SP140: variants seen among roughly 807,000 people sequenced by gnomAD.
SP140 encodes the protein SP140 nuclear body protein, also known as nuclear body protein SP140.
SP140 carries 81 observed loss-of-function variants against 125.0 expected under a neutral mutation model. That is an observed-to-expected ratio of 0.65 (90% confidence interval 0.54 to 0.78). The LOEUF (loss-of-function observed/expected upper bound fraction) is 0.78, where lower values mean the gene tolerates loss of function less well. SP140 is among the 30% of genes least tolerant of loss of function. SP140 has a pLI of 0.00. For synonymous variants in SP140, 312 were observed against 354.0 expected (o/e 0.88, Z 1.33); for missense variants, 858 against 1,037.0 (o/e 0.83, Z 2.37).
rs199777818 is a variant in SP140 at position 230,253,350 on chromosome 2, G to A, written c.1092G>A (p.Lys364=). 132 of 1,612,570 alleles carry A rather than the reference G, an allele frequency of 8.2e-5. No homozygotes were observed. The African/African-American group carries it at 1.6e-3, about 19-fold the overall frequency. The change falls in exon 11 of 27, where the codon AAG becomes AAA. Residue 364 remains lysine (K), a synonymous_variant. Transcript: ENST00000392045. ...SCLSAETFDL[K]TPQVTNEGEP... is the part of the protein sequence containing the mutation. Reference sequence around the variant, plus strand: ...TATCTGCAGAGACCTTTGATCTAAAGACTCCCCAAGTCACTAATGAAGGAG... The same window carrying A: ...TATCTGCAGAGACCTTTGATCTAAAAACTCCCCAAGTCACTAATGAAGGAG...
the SP140 span, among the ~76,000 whole-genome samples, chr2:230,186,406 G>T: frequency 6.6e-6 from 1 of 152,104 alleles, no homozygotes; most frequent in Non-Finnish European, 1.5e-5. Context: ...TGAGTTCCCA[G>T]GACCTAGGAC....
At chr2:230,221,526 G>A (rs1186005274), upstream of SP140, among the ~76,000 whole-genome samples, 4 of 152,164 alleles carry the variant, frequency 2.6e-5, no homozygotes. Flanking sequence ...GGCCTTGCGG[G>A]TAATGGCTGT....
rs756155632 is a variant in SP140 at position 230,269,885 on chromosome 2, G to A, written c.1376G>A (p.Cys459Tyr). The A allele has an allele frequency of 1.2e-6, 2 of 1,614,094 alleles. No individual in the cohort carries two copies. Among genetic ancestry groups the A allele is most frequent in the Admixed American group, 1.7e-5 (1 of 60,018 alleles). Residue 459 changes from cysteine (C) to tyrosine (Y), a missense_variant, in exon 14 of 27, where the codon TGT becomes TAT. Transcript: ENST00000392045. The stretch of plus-strand genomic sequence containing the variant: ...AATGAGAAGTGTTCCTGTGTCATGT[G>A]TTTCTCAGAAGAGGTGCCAGGAAGC... ...YENEKCSCVM[C>Y]FSEEVPGSPE...
chr2:230,220,784 G>A (rs1321220048), upstream of SP140, among the ~76,000 whole-genome samples: 2 of 152,126 alleles, frequency 1.3e-5, no homozygotes, highest in Non-Finnish European at 2.9e-5. Context: ...TGGGAGGATT[G>A]CTTGAGCCTA....
At chr2:230,216,967 T>C (rs1242591755) in intron 3 of SP140, 1 of 1,587,646 alleles carries the variant, frequency 6.3e-7, no homozygotes, top group Non-Finnish European at 8.6e-7. Flanking sequence ...AAGCAAAGGC[T>C]GGGCGCGGTG....
chr2:230,304,665 A>T (rs187881006), intron 22 of SP140, among the ~76,000 whole-genome samples: 224 of 152,288 alleles, frequency 1.5e-3, no homozygotes, highest in African/African-American at 5.3e-3. Context: ...GGGAAAGGAC[A>T]CCCCATTCAA....
At position 230,312,909 on chromosome 2, in the gene SP140, C is replaced by G; in HGVS notation, c.*225C>G. 1 of 422,030 alleles carries G rather than the reference C, an allele frequency of 2.4e-6. No homozygotes were observed. Among genetic ancestry groups the G allele is most frequent in the Non-Finnish European group, 4.3e-6 (1 of 233,202 alleles). 26.1% of individuals were successfully genotyped at this position (422,030 alleles called of 1,614,324 possible). A position where few individuals can be genotyped will look rare whatever the true frequency, so the allele number is the denominator to read the frequency against. ...AGCCAGGGAAGAGTAAGTGGGATCA[C>G]AGGGAAGGATGTTGGCAGCGACACC... On this transcript the variant is annotated 3_prime_UTR_variant, in exon 27 of 27. Coordinates refer to ENST00000392045, the MANE Select transcript of SP140 (RefSeq NM_007237.5).
intron 22 of SP140, among the ~76,000 whole-genome samples, chr2:230,301,558 TAA>T (rs2058285981): frequency 6.6e-6 from 1 of 152,174 alleles, no homozygotes; most frequent in African/African-American, 2.4e-5. Context: ...GAAGGAAAGA[TAA>T]AGTCTTTTTC....
At chr2:230,295,761 G>T (rs1401812560) in intron 21 of SP140, among the ~76,000 whole-genome samples, 1 of 152,120 alleles carries the variant, frequency 6.6e-6, no homozygotes, top group Non-Finnish European at 1.5e-5. Context: ...TAGACCTTTT[G>T]GTGGCACCTG....
intron 26 of SP140, among the ~76,000 whole-genome samples, chr2:230,311,806 C>T (rs966447087): frequency 1.4e-4 from 22 of 152,266 alleles, no homozygotes; most frequent in East Asian, 5.8e-4. Flanking sequence ...ACCCCAGGTC[C>T]CTGAGAGCTC....
chr2:230,251,328 C>T (rs1171866710), intron 10 of SP140, among the ~76,000 whole-genome samples: 1 of 152,110 alleles, frequency 6.6e-6, no homozygotes, highest in African/African-American at 2.4e-5. Flanking sequence ...TATGTCAAGG[C>T]AAGGCAATGT....
chr2:230,289,392 A>C (rs2056856904), intron 18 of SP140, among the ~76,000 whole-genome samples: 1 of 152,054 alleles, frequency 6.6e-6, no homozygotes, highest in South Asian at 2.1e-4. Context: ...GACTGCAAAA[A>C]TTTTCTTTCA....
At chr2:230,213,413 C>T (rs995523600) in intron 1 of SP140, among the ~76,000 whole-genome samples, 2 of 152,146 alleles carry the variant, frequency 1.3e-5, no homozygotes, top group Non-Finnish European at 1.5e-5. Flanking sequence ...GATCATACTT[C>T]CCCGAAGCAA....
chr2:230,314,004 T>C (rs191189290), downstream of SP140, among the ~76,000 whole-genome samples: 50 of 152,282 alleles, frequency 3.3e-4, no homozygotes, highest in African/African-American at 1.2e-3. Flanking sequence ...GAGACCCTCA[T>C]ACACCTGCAG....
chr2:230,224,873 G>C (rs533187309), upstream of SP140, among the ~76,000 whole-genome samples: 4 of 152,130 alleles, frequency 2.6e-5, no homozygotes, highest in South Asian at 2.1e-4. Flanking sequence ...TGGATTTCTA[G>C]TCCTGTGGTT....
upstream of SP140, among the ~76,000 whole-genome samples, chr2:230,198,677 C>T (rs1216205646): frequency 3.3e-5 from 5 of 152,072 alleles, no homozygotes; most frequent in Non-Finnish European, 7.4e-5. Flanking sequence ...TCACTGCAAC[C>T]TCTGCCTCCT....
chr2:230,212,319 A>G (rs201135889), intron 1 of SP140: 2 of 1,536,550 alleles, frequency 1.3e-6, no homozygotes, highest in Non-Finnish European at 1.8e-6. Context: ...ACCTTGAGCT[A>G]AGCGGTATCA....
downstream of SP140, among the ~76,000 whole-genome samples, chr2:230,315,013 G>T (rs1001073859): frequency 6.6e-6 from 1 of 152,252 alleles, no homozygotes; most frequent in East Asian, 1.9e-4. Context: ...GGAAGGCCTG[G>T]CCTGTAGGTA....
chr2:230,240,658 C>T (rs1393881739), intron 3 of SP140, among the ~76,000 whole-genome samples: 1 of 152,142 alleles, frequency 6.6e-6, no homozygotes, highest in Non-Finnish European at 1.5e-5. Context: ...ACTGACAATA[C>T]CAAGTGCTGA....
Sources: gnomAD v4.1 joint callset for allele counts (sites outside exome capture counted in the v4.1 genomes callset) on GRCh38, gnomAD v4.1.1 for gene constraint, MANE v1.5 for transcripts, NCBI Gene and HGNC (gene_info 2026-07-23, HGNC 2026-07-21) for gene names.